The following ROCK2 variants were observed in gnomAD, a reference collection of about 807,000 sequenced individuals.
ROCK2 encodes the protein rho-associated protein kinase 2.
ROCK2 carries 61 observed loss-of-function variants against 195.1 expected under a neutral mutation model. The observed-to-expected ratio is 0.31, with a 90% CI of 0.25 to 0.39. The LOEUF is 0.39. Among genes scored for constraint, ROCK2 ranks in the 10% least tolerant of loss-of-function variants. The pLI, the probability that ROCK2 is intolerant of heterozygous loss-of-function variation, is 1.00. For missense variants in ROCK2, 1,109 were observed against 1,637.4 expected, an observed-to-expected ratio of 0.68 and a Z score of 5.57; for synonymous variants, 504 against 545.5, an observed-to-expected ratio of 0.92 and a Z score of 1.06.
upstream of ROCK2, among the ~76,000 whole-genome samples, chr2:11,344,793 C>G (rs1160639376): frequency 6.6e-6 from 1 of 150,582 alleles, no homozygotes; most frequent in African/African-American, 2.4e-5. This position sits in a 1 kb window ranked among gnomAD's most constrained non-coding sequence, Gnocchi z 5.4. Context: ...GCTTTCTCCT[C>G]TGCGCCCCTT....
At chr2:11,246,142 GTGGCCTATGAACC>G (rs1430744436) in intron 4 of ROCK2, among the ~76,000 whole-genome samples, 2 of 152,102 alleles carry the variant, frequency 1.3e-5, no homozygotes, top group Admixed American at 6.6e-5. Flanking sequence ...CTTCTTATAG[GTGGCCTATGAACC>G]TGGCCTATGA....
At chr2:11,293,215 C>T (rs1667414446) in intron 1 of ROCK2, among the ~76,000 whole-genome samples, 2 of 152,150 alleles carry the variant, frequency 1.3e-5, no homozygotes, top group African/African-American at 4.8e-5. Flanking sequence ...CATTTAGTGG[C>T]AACTTAAATT....
chr2:11,298,715 C>A (rs1298296043), intron 1 of ROCK2, among the ~76,000 whole-genome samples: 1 of 152,066 alleles, frequency 6.6e-6, no homozygotes, highest in East Asian at 1.9e-4. Flanking sequence ...TGGGAGGGAG[C>A]AGGTTATGAG....
In ROCK2 at chr2:11,290,932, C is replaced by T. The variant is rs115153808; in HGVS notation, c.142-3196G>A. Among the ~76,000 whole-genome samples, 1,059 of 152,162 alleles carry T rather than the reference C, an allele frequency of 7.0e-3. 10 individuals are homozygous for T. Among genetic ancestry groups the T allele is most frequent in the African/African-American group, 0.024 (1,001 of 41,498 alleles). On this transcript the variant is annotated intron_variant, in intron 1 of 32. Coordinates refer to ENST00000315872, the MANE Select transcript of ROCK2 (RefSeq NM_004850.5). ...ATCAAGCCTTGGTCTATGCCCCCGG[C>T]TAGCCCAGTTACATCTCTAAGGTTA...
chr2:11,319,117 G>A (rs949421221), intron 1 of ROCK2, among the ~76,000 whole-genome samples: 1 of 152,204 alleles, frequency 6.6e-6, no homozygotes, highest in African/African-American at 2.4e-5. Flanking sequence ...GAACTTTAAA[G>A]TAGTTTTTTC....
intron 1 of ROCK2, chr2:11,308,472 G>C: frequency 6.2e-7 from 1 of 1,605,520 alleles, no homozygotes; most frequent in East Asian, 2.2e-5. Context: ...TTTCCTGCTA[G>C]AGTTCCCGGT....
At chr2:11,293,845 G>A (rs1004772635) in intron 1 of ROCK2, among the ~76,000 whole-genome samples, 6 of 152,060 alleles carry the variant, frequency 3.9e-5, no homozygotes, top group Admixed American at 6.6e-5. Flanking sequence ...AGGCATTAAC[G>A]ATAGCATATT....
In ROCK2 at chr2:11,282,607, CAA is replaced by C. The variant is rs70953381; in HGVS notation, c.324+3930_324+3931del. 3.5e-3 allele frequency among the ~76,000 whole-genome samples: 432 copies of C among 123,352 alleles called. 6 individuals carry two copies. The highest frequency in any genetic ancestry group is 0.012 in the African/African-American group (379 of 30,358). 80.9% of individuals were successfully genotyped at this position (123,352 alleles called of 152,430 possible). ...GCTGGAATAACTGAATATCTACATG[CAA>C]AAAAAAAAAAAAGAATCAAGACCAG... On this transcript the variant is annotated intron_variant, in intron 3 of 32. Coordinates refer to ENST00000315872, the MANE Select transcript of ROCK2 (RefSeq NM_004850.5).
intron 1 of ROCK2, among the ~76,000 whole-genome samples, chr2:11,316,109 C>T (rs1668183236): frequency 6.6e-6 from 1 of 152,100 alleles, no homozygotes; most frequent in African/African-American, 2.4e-5. Context: ...CTCAATACAA[C>T]TACCCTCAAC....
chr2:11,241,842 C>T (rs1383185157), intron 4 of ROCK2, among the ~76,000 whole-genome samples: 18 of 152,090 alleles, frequency 1.2e-4, no homozygotes, highest in Non-Finnish European at 7.3e-5. Context: ...CGGTATAACA[C>T]CGTCATCCTA....
intron 1 of ROCK2, among the ~76,000 whole-genome samples, chr2:11,295,991 GA>G (rs1667510396): frequency 7.3e-4 from 8 of 10,990 alleles, no homozygotes; most frequent in African/African-American, 1.3e-3. Context: ...AGAGAGAGAG[GA>G]GAGAGAGAGA....
intron 18 of ROCK2, among the ~76,000 whole-genome samples, chr2:11,210,310 T>C (rs1240003436): frequency 6.6e-6 from 1 of 151,550 alleles, no homozygotes; most frequent in African/African-American, 2.4e-5. Context: ...ATTACTGAGA[T>C]AATGAAAATA....
chr2:11,266,584 C>G (rs1459336096), intron 3 of ROCK2, among the ~76,000 whole-genome samples: 1 of 152,182 alleles, frequency 6.6e-6, no homozygotes, highest in Non-Finnish European at 1.5e-5. Flanking sequence ...CATAAAAGGA[C>G]AAATTTGCAC....
chr2:11,257,652 A>T lies in ROCK2; in HGVS notation c.325-7854T>A, dbSNP rs1391289890. 2.6e-5 allele frequency among the ~76,000 whole-genome samples: 4 copies of T among 151,434 alleles called. 1 individual carries two copies. Among genetic ancestry groups the T allele is most frequent in the African/African-American group, 9.8e-5 (4 of 40,760 alleles). ...CACCTCCGCAGATATGGAAATGTGAATCTGGAACTGGTGACTCGAATCATT... is the reference window on the plus strand; with the variant it reads ...CACCTCCGCAGATATGGAAATGTGATTCTGGAACTGGTGACTCGAATCATT... On this transcript the variant is annotated intron_variant, in intron 3 of 32. Coordinates refer to ENST00000315872, the MANE Select transcript of ROCK2 (RefSeq NM_004850.5).
chr2:11,283,353 G>A (rs865797970), intron 3 of ROCK2, among the ~76,000 whole-genome samples: 3 of 150,600 alleles, frequency 2.0e-5, no homozygotes, highest in Non-Finnish European at 3.0e-5. Context: ...GAGGTCAGGA[G>A]ATCGAGACCA....
rs371792493 is a variant in ROCK2, at chr2:11,258,604, G to A, written c.325-8806C>T. Among the ~76,000 whole-genome samples, 29 of 151,300 alleles carry A rather than the reference G, an allele frequency of 1.9e-4. No individual in the cohort carries two copies. In the East Asian group the frequency reaches 5.2e-3, roughly 27 times the overall value. ...TGGAGTTCAGTTATGAGACAGCCAA[G>A]GGGAAGAAAACAAGACCTCCCAATC... On this transcript the variant is annotated intron_variant, in intron 3 of 32. Transcript: ENST00000315872.
At chr2:11,255,054 A>G (rs1379862997) in intron 3 of ROCK2, among the ~76,000 whole-genome samples, 4 of 151,620 alleles carry the variant, frequency 2.6e-5, no homozygotes, top group African/African-American at 9.7e-5. Flanking sequence ...CGTCTGTACT[A>G]AAAATACAAA....
intron 4 of ROCK2, among the ~76,000 whole-genome samples, chr2:11,246,994 A>G (rs1665639867): frequency 6.6e-6 from 1 of 152,246 alleles, no homozygotes; most frequent in South Asian, 2.1e-4. Context: ...GTGTGGTACA[A>G]CCATGTAACA....
At chr2:11,187,529 C>T (rs1558272781) in intron 32 of ROCK2, among the ~76,000 whole-genome samples, 1 of 152,062 alleles carries the variant, frequency 6.6e-6, no homozygotes, top group African/African-American at 2.4e-5. Flanking sequence ...AGGCTGATCA[C>T]TTTTTTTTAC....
Sources: gnomAD v4.1 joint callset for allele counts (sites outside exome capture counted in the v4.1 genomes callset) on GRCh38, gnomAD v4.1.1 for gene constraint, Gnocchi (gnomAD v3.1) non-coding constraint, MANE v1.5 for transcripts, NCBI Gene and HGNC (gene_info 2026-07-23, HGNC 2026-07-21) for gene names.